The following CDS1 variants were observed in gnomAD, a reference collection of about 807,000 sequenced individuals.
CDS1 encodes the protein phosphatidate cytidylyltransferase 1.
In CDS1, 41 loss-of-function variants were observed where a neutral mutation model predicts 62.1. The ratio of observed to expected loss-of-function variants is 0.66; its 90% confidence interval spans 0.51 to 0.86. CDS1 has a LOEUF of 0.86. CDS1 is among the 40% of genes least tolerant of loss of function. The pLI, the probability that CDS1 is intolerant of heterozygous loss-of-function variation, is 0.00. For missense variants in CDS1, 470 were observed against 550.1 expected (o/e 0.85, Z 1.46); for synonymous variants, 185 against 192.6 (o/e 0.96, Z 0.32).
At chr4:84,594,466 C>A (rs1378397189) in intron 1 of CDS1, among the ~76,000 whole-genome samples, 1 of 151,438 alleles carries the variant, frequency 6.6e-6, no homozygotes, top group Non-Finnish European at 1.5e-5. Context: ...TTTTTTTTTA[C>A]AAAATAACTG....
At chr4:84,632,652 T>C (rs930717881) in intron 6 of CDS1, among the ~76,000 whole-genome samples, 4 of 152,062 alleles carry the variant, frequency 2.6e-5, no homozygotes, top group Non-Finnish European at 4.4e-5. Flanking sequence ...ACAAGACAAG[T>C]AAAAATAGTA....
intron 1 of CDS1, among the ~76,000 whole-genome samples, chr4:84,600,994 C>T (rs1353491075): frequency 6.6e-6 from 1 of 151,566 alleles, no homozygotes; most frequent in Admixed American, 6.6e-5. Flanking sequence ...CATGGTGATA[C>T]ACCATTTCTA....
In CDS1 at chr4:84,590,412, A is replaced by T. The variant is rs187573125; in HGVS notation, c.117+6894A>T. Among the ~76,000 whole-genome samples the T allele has an allele frequency of 4.6e-5, 7 of 152,350 alleles. No homozygotes were observed. In the East Asian group the frequency reaches 9.7e-4, roughly 21 times the overall value. ...TATGTGCGGGTTAGGAATGGTAGTT[A>T]ACTTGAGATTTCTAAAGAATATCTG... On this transcript the variant is annotated intron_variant, in intron 1 of 12. Coordinates refer to ENST00000295887, the MANE Select transcript of CDS1 (RefSeq NM_001263.4).
At chr4:84,634,738 C>G (rs1199138871) in intron 7 of CDS1, among the ~76,000 whole-genome samples, 1 of 151,978 alleles carries the variant, frequency 6.6e-6, no homozygotes, top group Non-Finnish European at 1.5e-5. Flanking sequence ...ATTGTACAGA[C>G]TTTTCATTGA....
chr4:84,642,883 T>C, intron 10 of CDS1, 141 bp from the exon 11 acceptor site: 1 of 761,102 alleles, frequency 1.3e-6, no homozygotes, highest in Non-Finnish European at 2.1e-6. Context: ...TCTTCCTTGA[T>C]CCTTAAAGTT....
intron 5 of CDS1, among the ~76,000 whole-genome samples, chr4:84,629,773 G>A (rs566402970): frequency 6.6e-5 from 10 of 152,284 alleles, no homozygotes; most frequent in Non-Finnish European, 1.3e-4. Context: ...TTATGTAAAC[G>A]TGAGTTGCCA....
At chr4:84,589,883 T>G (rs1269130428) in intron 1 of CDS1, among the ~76,000 whole-genome samples, 1 of 152,138 alleles carries the variant, frequency 6.6e-6, no homozygotes, top group Non-Finnish European at 1.5e-5. Context: ...CGACCTCGGC[T>G]CACTGCAAGC....
chr4:84,587,135 G>A (rs1404926789), intron 1 of CDS1, among the ~76,000 whole-genome samples: 1 of 152,174 alleles, frequency 6.6e-6, no homozygotes, highest in African/African-American at 2.4e-5. Context: ...CCTTCAGTTA[G>A]TAAAGTAGGA....
At chr4:84,642,358 C>T (rs1029805953) in intron 10 of CDS1, among the ~76,000 whole-genome samples, 8 of 150,962 alleles carry the variant, frequency 5.3e-5, no homozygotes, top group African/African-American at 1.9e-4. Context: ...GTGCCTCAGA[C>T]ATCTTTCTTC....
intron 2 of CDS1, among the ~76,000 whole-genome samples, chr4:84,607,035 T>G (rs916028764): frequency 1.3e-5 from 2 of 152,216 alleles, no homozygotes; most frequent in African/African-American, 4.8e-5. Context: ...TAGTTCTGCC[T>G]CATGCTCATG....
intron 1 of CDS1, among the ~76,000 whole-genome samples, chr4:84,603,479 G>A (rs1722998032): frequency 6.6e-6 from 1 of 152,150 alleles, no homozygotes; most frequent in African/African-American, 2.4e-5. Context: ...TGGCAGTGGA[G>A]ACTTACAGCA....
intron 8 of CDS1, among the ~76,000 whole-genome samples, chr4:84,635,621 GCCTGCCTTCCTTCCTTCCTT>G (rs1724168741): frequency 4.5e-4 from 38 of 84,808 alleles, no homozygotes; most frequent in African/African-American, 1.9e-3. Context: ...CTGCCTGCCT[GCCTGCCTTCCTTCCTTCCTT>G]CCTTCCTTCC....
chr4:84,600,603 G>A (rs1396261677), intron 1 of CDS1, among the ~76,000 whole-genome samples: 1 of 152,122 alleles, frequency 6.6e-6, no homozygotes. Context: ...TTGACCATAT[G>A]TATGTAGGTT....
At chr4:84,644,506 G>A (rs973073587) in intron 11 of CDS1, among the ~76,000 whole-genome samples, 2 of 152,066 alleles carry the variant, frequency 1.3e-5, no homozygotes, top group Non-Finnish European at 2.9e-5. Flanking sequence ...TAAATGGTGA[G>A]TTTTTTTTGC....
chr4:84,636,658 G>A (rs1273762039), intron 8 of CDS1, among the ~76,000 whole-genome samples: 2 of 152,140 alleles, frequency 1.3e-5, no homozygotes, highest in African/African-American at 4.8e-5. Context: ...CCAAGTATCT[G>A]GGATTACAGG....
chr4:84,638,849 A>ATT (rs779593945), intron 8 of CDS1, 75 bp from the exon 9 acceptor site: 40 of 198,974 alleles, frequency 2.0e-4, no homozygotes, highest in Non-Finnish European at 3.5e-4. Context: ...GAAATAGTTT[A>ATT]TATATATATA....
intron 5 of CDS1, among the ~76,000 whole-genome samples, chr4:84,621,642 G>T (rs961929267): frequency 3.3e-5 from 5 of 152,182 alleles, no homozygotes; most frequent in African/African-American, 1.2e-4. Flanking sequence ...GCCCAGGCTG[G>T]TCTCGAACTC....
chr4:84,617,485 T>C lies in CDS1; in HGVS notation c.343-79T>C, dbSNP rs1723533537. On this transcript the variant is annotated intron_variant, in intron 3 of 12. Coordinates refer to ENST00000295887, the MANE Select transcript of CDS1 (RefSeq NM_001263.4). The stretch of plus-strand genomic sequence containing the variant: ...TAGATTAAGATTTTTTAAATACATA[T>C]GACAAACTGCTTTATTGAATGATTA... 2.4e-5 allele frequency: 18 copies of C among 756,868 alleles called. No individual in the cohort carries two copies. The Middle Eastern group carries it at 1.4e-3, about 58-fold the overall frequency. 46.9% of individuals were successfully genotyped at this position (756,868 alleles called of 1,614,324 possible). A position where few individuals can be genotyped will look rare whatever the true frequency, so the allele number is the denominator to read the frequency against.
At chr4:84,593,242 T>C (rs1183622338) in intron 1 of CDS1, among the ~76,000 whole-genome samples, 2 of 152,048 alleles carry the variant, frequency 1.3e-5, no homozygotes, top group African/African-American at 4.8e-5. Context: ...TTTTAATAAA[T>C]ATGAGGTTGG....
Sources: allele counts gnomAD v4.1 joint callset (sites outside exome capture counted in the v4.1 genomes callset), GRCh38; gene constraint gnomAD v4.1.1; transcripts MANE v1.5; gene names NCBI Gene and HGNC (gene_info 2026-07-23, HGNC 2026-07-21).